The following TSPEAR variants were observed in gnomAD, a reference collection of about 807,000 sequenced individuals.
The protein encoded by TSPEAR is thrombospondin type laminin G domain and EAR repeats.
TSPEAR carries 69 observed loss-of-function variants against 71.6 expected under a neutral mutation model. That is an observed-to-expected ratio of 0.96 (90% confidence interval 0.79 to 1.18). TSPEAR has a LOEUF of 1.18. Among genes scored for constraint, TSPEAR ranks in the 50% most tolerant of loss-of-function variants. TSPEAR has a pLI of 0.00. For synonymous variants in TSPEAR, 402 were observed against 387.2 expected, an observed-to-expected ratio of 1.04 and a Z score of -0.45; for missense variants, 971 against 894.9, an observed-to-expected ratio of 1.09 and a Z score of -1.09.
intron 1 of TSPEAR, chr21:44,602,109 T>G: frequency 5.6e-6 from 2 of 359,322 alleles, no homozygotes; most frequent in South Asian, 4.6e-5. Flanking sequence ...CTGGGCCTCT[T>G]TCTCTGTCTT....
In TSPEAR at chr21:44,509,449, G is replaced by A. The variant is rs587754895; in HGVS notation, c.1567-63C>T. The A allele has an allele frequency of 6.6e-4, 856 of 1,293,426 alleles. 5 individuals carry two copies. The African/African-American group carries it at 0.012, about 18-fold the overall frequency. 80.1% of individuals were successfully genotyped at this position (1,293,426 alleles called of 1,614,324 possible). ...AGCGGGCGCAGAGGTGTGGGGGAGCGGGCGCAGAGGTGTGGGGGAGCGGGC... is the reference window on the plus strand; with the variant it reads ...AGCGGGCGCAGAGGTGTGGGGGAGCAGGCGCAGAGGTGTGGGGGAGCGGGC... On this transcript the variant is annotated intron_variant, in intron 9 of 11. Transcript: ENST00000323084.
intron 1 of TSPEAR, among the ~76,000 whole-genome samples, chr21:44,692,042 A>T (rs1455779558): frequency 6.6e-6 from 1 of 152,200 alleles, no homozygotes; most frequent in Non-Finnish European, 1.5e-5. Flanking sequence ...AGGAATGCAA[A>T]GATAGCTCCA....
chr21:44,677,530 A>G (rs980076290), intron 1 of TSPEAR: 98 of 829,904 alleles, frequency 1.2e-4, no homozygotes, highest in Admixed American at 3.9e-5. Context: ...ATTTCTTCAC[A>G]TGGTCGTTCC....
At chr21:44,693,017 A>G (rs1987184611) in intron 1 of TSPEAR, among the ~76,000 whole-genome samples, 1 of 152,172 alleles carries the variant, frequency 6.6e-6, no homozygotes, top group East Asian at 1.9e-4. Context: ...AGACATATGG[A>G]CCAATAGAAT....
chr21:44,657,412 A>G (rs996872593), intron 1 of TSPEAR, among the ~76,000 whole-genome samples: 10 of 152,254 alleles, frequency 6.6e-5, no homozygotes, highest in Non-Finnish European at 1.3e-4. Context: ...AGTCTCTTCC[A>G]TAACTATTCA....
At position 44,546,081 on chromosome 21, in the gene TSPEAR, G is replaced by A. The variant is rs1283122434; in HGVS notation, c.304-12158C>T. On this transcript the variant is annotated intron_variant, in intron 2 of 11. Transcript: ENST00000323084. This position sits in a 1 kb window ranked among gnomAD's most constrained non-coding sequence, Gnocchi z 4.4. ...GATTCAAATAATTAAAATCGTAAAT[G>A]AAAATGGGAATATCACTACTGACCT... Among the ~76,000 whole-genome samples the A allele has an allele frequency of 3.3e-5, 5 of 152,124 alleles. No individual in the cohort carries two copies. Among genetic ancestry groups the A allele is most frequent in the African/African-American group, 1.2e-4 (5 of 41,406 alleles).
Position 44,526,268 on chromosome 21 carries a change from A to G in TSPEAR, c.1150-429T>C, listed in dbSNP as rs183725049. ...GTGTGTAAAACATGAACATGGCGCA[A>G]TGTGCCCAGGGCTCATAGTGTAGCT... On this transcript the variant is annotated intron_variant, in intron 7 of 11. Transcript: ENST00000323084. Among the ~76,000 whole-genome samples, 21 of 152,324 alleles carry G rather than the reference A, an allele frequency of 1.4e-4. No individual in the cohort carries two copies. In the South Asian group the frequency reaches 2.1e-3, roughly 15 times the overall value.
At chr21:44,637,843 C>A in intron 1 of TSPEAR, 1 of 1,608,790 alleles carries the variant, frequency 6.2e-7, no homozygotes, top group Non-Finnish European at 8.5e-7. Context: ...CCTCCCCATG[C>A]CAGCAGGCCT....
At chr21:44,666,181 T>C in intron 1 of TSPEAR, 1 of 477,852 alleles carries the variant, frequency 2.1e-6, no homozygotes, top group Non-Finnish European at 3.7e-6. Flanking sequence ...AGACCAGAAA[T>C]GCAGAGCTGC....
chr21:44,612,693 G>A lies in TSPEAR; in HGVS notation c.83-44688C>T. On this transcript the variant is annotated intron_variant, in intron 1 of 11. Coordinates refer to ENST00000323084, the MANE Select transcript of TSPEAR (RefSeq NM_144991.3). The surrounding 1 kb of genome is among the most constrained non-coding windows in gnomAD (Gnocchi z 4.1). ...AAGTCTAGCTGCCAGCCGGCTTGCT[G>A]CACCACCTCCTGCTGCAGACCCTCC... The A allele has an allele frequency of 1.2e-6, 2 of 1,613,754 alleles. No individual in the cohort carries two copies. The highest frequency in any genetic ancestry group is 1.7e-6 in the Non-Finnish European group (2 of 1,179,910).
rs927688005 is a variant in TSPEAR at position 44,520,197 on chromosome 21, C to A, written c.1566+1686G>T. 3 of 152,270 alleles carry A rather than the reference C, an allele frequency of 2.0e-5. No individual in the cohort carries two copies. The highest frequency in any genetic ancestry group is 7.2e-5 in the African/African-American group (3 of 41,444). The allele number at this position is 152,270 out of a possible 1,614,324, so 9.4% of individuals were successfully genotyped here. A position where few individuals can be genotyped will look rare whatever the true frequency, so the allele number is the denominator to read the frequency against. On this transcript the variant is annotated intron_variant, in intron 9 of 11. Transcript: ENST00000323084. This position sits in a 1 kb window ranked among gnomAD's most constrained non-coding sequence, Gnocchi z 4.2. ...TGGCTCACTCCCTCCCAGCCACCGACCAGTCATTATCGTGCAGCCCTGTCA... is the reference window on the plus strand; with the variant it reads ...TGGCTCACTCCCTCCCAGCCACCGAACAGTCATTATCGTGCAGCCCTGTCA...
intron 1 of TSPEAR, among the ~76,000 whole-genome samples, chr21:44,674,764 G>C (rs1365013718): frequency 6.8e-6 from 1 of 147,660 alleles, no homozygotes; most frequent in Non-Finnish European, 1.5e-5. Flanking sequence ...GTGTGTGTGT[G>C]TGTGTGTGTG....
At chr21:44,627,108 C>T (rs937417455) in intron 1 of TSPEAR, 3 of 1,575,612 alleles carry the variant, frequency 1.9e-6, no homozygotes, top group South Asian at 2.4e-5. Context: ...CTCACAAACT[C>T]ACTCACTGAC....
chr21:44,613,114 C>T (rs1981832896), intron 1 of TSPEAR, among the ~76,000 whole-genome samples: 1 of 152,206 alleles, frequency 6.6e-6, no homozygotes, highest in South Asian at 2.1e-4. Context: ...TGTCCTCCCT[C>T]CCAGCTTCTC....
chr21:44,500,025 A>G, intron 11 of TSPEAR, 89 bp from the exon 12 acceptor site: 2 of 1,387,216 alleles, frequency 1.4e-6, no homozygotes, highest in South Asian at 1.3e-5. Context: ...TCAGGGACCC[A>G]GCAGCTCTGG....
intron 1 of TSPEAR, among the ~76,000 whole-genome samples, chr21:44,572,967 A>G (rs1384527160): frequency 6.6e-6 from 1 of 151,714 alleles, no homozygotes; most frequent in Non-Finnish European, 1.5e-5. Context: ...AGCAGCCCAC[A>G]GGAGTGAGGG....
chr21:44,711,418 A>G lies in TSPEAR; in HGVS notation c.82+15T>C. 1 of 1,582,390 alleles carries G rather than the reference A, an allele frequency of 6.3e-7. No homozygotes were observed. Among genetic ancestry groups the G allele is most frequent in the Non-Finnish European group, 8.6e-7 (1 of 1,164,576 alleles). Reference sequence around the variant, plus strand: ...GCAAGATACCCCCGCCCGAGTTCCCATGCCCCTGCCTTACCTGTGCAGGGC... The same window carrying G: ...GCAAGATACCCCCGCCCGAGTTCCCGTGCCCCTGCCTTACCTGTGCAGGGC... On this transcript the variant is annotated intron_variant, in intron 1 of 11. Transcript: ENST00000323084. The surrounding 1 kb of genome is among the most constrained non-coding windows in gnomAD (Gnocchi z 4.5).
intron 1 of TSPEAR, among the ~76,000 whole-genome samples, chr21:44,596,007 C>T (rs1276733401): frequency 6.6e-6 from 1 of 152,178 alleles, no homozygotes; most frequent in African/African-American, 2.4e-5. Context: ...ATCTCGGTTT[C>T]TGTGGGTCAG....
intron 1 of TSPEAR, among the ~76,000 whole-genome samples, chr21:44,595,099 A>G: frequency 6.6e-6 from 1 of 152,198 alleles, no homozygotes; most frequent in Non-Finnish European, 1.5e-5. Flanking sequence ...CTAGGATTAC[A>G]GGCCTGAGCC....
Sources: allele counts gnomAD v4.1 joint callset (sites outside exome capture counted in the v4.1 genomes callset), GRCh38; gene constraint gnomAD v4.1.1; non-coding constraint Gnocchi (gnomAD v3.1); transcripts MANE v1.5; gene names NCBI Gene and HGNC (gene_info 2026-07-23, HGNC 2026-07-21).